The following C12orf42 variants were observed in gnomAD, a reference collection of about 807,000 sequenced individuals.
C12orf42 encodes uncharacterized protein C12orf42.
Under a neutral mutation model 21.6 loss-of-function variants are expected in C12orf42, and 25 were observed. That is an observed-to-expected ratio of 1.16 (90% CI 0.84 to 1.62). The LOEUF (loss-of-function observed/expected upper bound fraction) is 1.62, where lower values mean the gene tolerates loss of function less well. C12orf42 is among the 40% of genes most tolerant of loss of function. C12orf42 has a pLI of 0.00. For missense variants in C12orf42, 483 were observed against 459.3 expected, an observed-to-expected ratio of 1.05 and a Z score of -0.47; for synonymous variants, 174 against 175.0, an observed-to-expected ratio of 0.99 and a Z score of 0.05.
At chr12:103,201,211 C>T in the C12orf42 span, among the ~76,000 whole-genome samples, 2 of 152,152 alleles carry the variant, frequency 1.3e-5, no homozygotes, top group Non-Finnish European at 2.9e-5. Flanking sequence ...GTTTTTGGTG[C>T]ATCTCATTGA....
chr12:103,210,128 A>G, the C12orf42 span, among the ~76,000 whole-genome samples: 1 of 152,058 alleles, frequency 6.6e-6, no homozygotes, highest in Admixed American at 6.5e-5. Context: ...GAAAGATGGT[A>G]ATTTTCCACT....
chr12:103,385,120 C>T (rs148278359), intron 3 of C12orf42, among the ~76,000 whole-genome samples: 1 of 152,226 alleles, frequency 6.6e-6, no homozygotes, highest in East Asian at 1.9e-4. Flanking sequence ...GGTTTGAAAC[C>T]CCCAAATTGG....
intron 4 of C12orf42, among the ~76,000 whole-genome samples, chr12:103,368,537 C>T (rs374476771): frequency 1.3e-5 from 2 of 152,120 alleles, no homozygotes; most frequent in South Asian, 2.1e-4. Context: ...GAAAGAAGAG[C>T]GTTTCTGTAC....
intron 4 of C12orf42, among the ~76,000 whole-genome samples, chr12:103,317,510 T>C (rs1311289535): frequency 1.3e-5 from 2 of 152,232 alleles, no homozygotes; most frequent in Non-Finnish European, 2.9e-5. Flanking sequence ...TGGGCTAGAC[T>C]ACAAATTGTT....
the C12orf42 span, among the ~76,000 whole-genome samples, chr12:103,104,725 G>T: frequency 2.6e-5 from 4 of 152,174 alleles, no homozygotes; most frequent in Admixed American, 1.3e-4. Context: ...GAGCCACCGC[G>T]CCTGGCCGGG....
the C12orf42 span, among the ~76,000 whole-genome samples, chr12:103,165,707 C>T: frequency 6.6e-6 from 1 of 152,166 alleles, no homozygotes; most frequent in African/African-American, 2.4e-5. Flanking sequence ...AATCACTGCC[C>T]TTAAGAAGCT....
At chr12:103,087,817 A>C in the C12orf42 span, among the ~76,000 whole-genome samples, 2 of 152,228 alleles carry the variant, frequency 1.3e-5, no homozygotes, top group African/African-American at 2.4e-5. Flanking sequence ...CATTTTATTC[A>C]ACAGGACATG....
chr12:103,397,412 C>T (rs899176405), intron 3 of C12orf42, among the ~76,000 whole-genome samples: 2 of 152,212 alleles, frequency 1.3e-5, no homozygotes, highest in Non-Finnish European at 1.5e-5. Context: ...ATCACCTGAT[C>T]TCTGCCTCCT....
chr12:103,118,236 A>G, the C12orf42 span, among the ~76,000 whole-genome samples: 3 of 152,170 alleles, frequency 2.0e-5, no homozygotes, highest in Non-Finnish European at 2.9e-5. Flanking sequence ...ATGTCTTTCT[A>G]TCTCCGGTGC....
At chr12:103,132,561 TATTGAGATCCCCACTCCCAC>T in the C12orf42 span, among the ~76,000 whole-genome samples, 2 of 152,070 alleles carry the variant, frequency 1.3e-5, no homozygotes, top group Non-Finnish European at 2.9e-5. Flanking sequence ...CAAGAGGCTA[TATTGAGATCCCCACTCCCAC>T]CAGACTGCAT....
At chr12:103,328,203 T>G (rs192969640) in intron 4 of C12orf42, among the ~76,000 whole-genome samples, 1 of 152,128 alleles carries the variant, frequency 6.6e-6, no homozygotes, top group African/African-American at 2.4e-5. Flanking sequence ...AATGCAAAGA[T>G]AACATCTTAT....
At chr12:103,131,252 T>C in the C12orf42 span, among the ~76,000 whole-genome samples, 3 of 152,340 alleles carry the variant, frequency 2.0e-5, no homozygotes, top group African/African-American at 7.2e-5. Flanking sequence ...TTATTTGGTG[T>C]CCTTGAAAAT....
chr12:103,065,926 C>T, the C12orf42 span, among the ~76,000 whole-genome samples: 27 of 152,282 alleles, frequency 1.8e-4, no homozygotes, highest in Middle Eastern at 0.017. Context: ...AGGCTCTGTT[C>T]AAGCTCTGTC....
At chr12:103,213,822 A>G in the C12orf42 span, among the ~76,000 whole-genome samples, 1 of 152,190 alleles carries the variant, frequency 6.6e-6, no homozygotes, top group East Asian at 1.9e-4. Context: ...TCTTTTCCCC[A>G]TAATTTGTAT....
chr12:103,201,055 G>A, the C12orf42 span, among the ~76,000 whole-genome samples: 4 of 152,200 alleles, frequency 2.6e-5, no homozygotes, highest in Non-Finnish European at 5.9e-5. Flanking sequence ...TTGGCGAGAG[G>A]TCAGGTGAAT....
the C12orf42 span, among the ~76,000 whole-genome samples, chr12:103,230,557 C>G: frequency 7.2e-5 from 11 of 152,170 alleles, no homozygotes; most frequent in African/African-American, 2.7e-4. Flanking sequence ...ATCATAAGGA[C>G]TATTTTAACA....
At chr12:103,461,929 T>C (rs1952731463) in intron 2 of C12orf42, among the ~76,000 whole-genome samples, 1 of 151,934 alleles carries the variant, frequency 6.6e-6, no homozygotes, top group African/African-American at 2.4e-5. Flanking sequence ...ATATAATATG[T>C]TTCAAAGAAA....
chr12:103,309,600 C>T (rs2038749799), intron 4 of C12orf42, among the ~76,000 whole-genome samples: 1 of 151,552 alleles, frequency 6.6e-6, no homozygotes, highest in Non-Finnish European at 1.5e-5. Flanking sequence ...CAATCGTAAT[C>T]ATTAATACCA....
intron 2 of C12orf42, among the ~76,000 whole-genome samples, chr12:103,421,611 A>AT (rs979657788): frequency 3.7e-5 from 4 of 108,384 alleles, no homozygotes; most frequent in Non-Finnish European, 6.5e-5. Context: ...AAATAAATAA[A>AT]TAAATAAATA....
Sources: allele counts gnomAD v4.1 joint callset (sites outside exome capture counted in the v4.1 genomes callset), GRCh38; gene constraint gnomAD v4.1.1; transcripts MANE v1.5; gene names NCBI Gene and HGNC (gene_info 2026-07-23, HGNC 2026-07-21).